DGKI: variants seen among roughly 807,000 people sequenced by gnomAD.
DGKI encodes the protein diacylglycerol kinase iota, also known as DAG kinase iota.
In DGKI, 55 loss-of-function variants were observed where a neutral mutation model predicts 147.5. The ratio of observed to expected loss-of-function variants is 0.37; its 90% CI spans 0.30 to 0.47. The LOEUF is 0.47. DGKI is among the 20% of genes least tolerant of loss of function. The pLI, the probability that DGKI is intolerant of heterozygous loss-of-function variation, is 1.00. For synonymous variants in DGKI, 469 were observed against 477.1 expected, an observed-to-expected ratio of 0.98 and a Z score of 0.22; for missense variants, 1,007 against 1,323.8, an observed-to-expected ratio of 0.76 and a Z score of 3.71.
chr7:137,388,342 A>G lies in DGKI; in HGVS notation c.*2878T>C, dbSNP rs1811242019. On this transcript the variant is annotated 3_prime_UTR_variant, in exon 33 of 33. Coordinates refer to ENST00000614521, the MANE Select transcript of DGKI (RefSeq NM_001321708.2). Reference sequence around the variant, plus strand: ...GTCTTTTAATAACTCTTCATTTTCCATTCCTCTATCAACCACATCTAAAAA... The same window carrying G: ...GTCTTTTAATAACTCTTCATTTTCCGTTCCTCTATCAACCACATCTAAAAA... 6.6e-6 allele frequency: 1 copy of G among 152,156 alleles called. No individual in the cohort carries two copies. 9.4% of individuals were successfully genotyped at this position (152,156 alleles called of 1,614,324 possible). A position where few individuals can be genotyped will look rare whatever the true frequency, so the allele number is the denominator to read the frequency against.
intron 1 of DGKI, among the ~76,000 whole-genome samples, chr7:137,789,684 T>C (rs554233828): frequency 2.6e-5 from 4 of 152,270 alleles, no homozygotes; most frequent in African/African-American, 9.6e-5. Flanking sequence ...AGTCACAATT[T>C]CCAAACTTGC....
At position 137,441,065 on chromosome 7, in the gene DGKI, G is replaced by C. The variant is rs190704432; in HGVS notation, c.2761+3012C>G. ...CCGAGCAAACATCACAGATAAACTTGTGCTTCCTCTTCTACTGCCTGGATG... is the reference window on the plus strand; with the variant it reads ...CCGAGCAAACATCACAGATAAACTTCTGCTTCCTCTTCTACTGCCTGGATG... On this transcript the variant is annotated intron_variant, in intron 28 of 32. Transcript: ENST00000614521. Among the ~76,000 whole-genome samples the C allele has an allele frequency of 2.0e-3, 299 of 152,248 alleles. 1 individual carries two copies. The highest frequency in any genetic ancestry group is 6.8e-3 in the African/African-American group (283 of 41,558).
chr7:137,555,399 G>A (rs1184105242), intron 19 of DGKI, among the ~76,000 whole-genome samples: 1 of 151,916 alleles, frequency 6.6e-6, no homozygotes, highest in Non-Finnish European at 1.5e-5. Flanking sequence ...GGTGGTGCAT[G>A]CCTGTAGTCC....
chr7:137,699,347 T>C (rs1416245154), intron 1 of DGKI, among the ~76,000 whole-genome samples: 1 of 152,042 alleles, frequency 6.6e-6, no homozygotes, highest in Non-Finnish European at 1.5e-5. Flanking sequence ...ATGGGGTAAA[T>C]AAAGAGCATG....
intron 1 of DGKI, among the ~76,000 whole-genome samples, chr7:137,771,254 C>T (rs1796187065): frequency 1.3e-5 from 2 of 152,234 alleles, no homozygotes; most frequent in South Asian, 4.1e-4. Flanking sequence ...CCATGCCCAG[C>T]TAATTTTTGT....
At chr7:137,539,922 C>T (rs1233634350) in intron 20 of DGKI, among the ~76,000 whole-genome samples, 1 of 152,098 alleles carries the variant, frequency 6.6e-6, no homozygotes, top group African/African-American at 2.4e-5. Context: ...TACTGCAGAC[C>T]TCACAGACAT....
At chr7:137,455,295 T>C (rs1357958483) in intron 27 of DGKI, among the ~76,000 whole-genome samples, 4 of 151,858 alleles carry the variant, frequency 2.6e-5, no homozygotes, top group African/African-American at 9.7e-5. Flanking sequence ...GACAAGAGAG[T>C]TTCTCAGTTA....
At chr7:137,550,694 T>C (rs1013528818) in intron 20 of DGKI, among the ~76,000 whole-genome samples, 2 of 152,202 alleles carry the variant, frequency 1.3e-5, no homozygotes, top group African/African-American at 4.8e-5. Flanking sequence ...TAAAACTAAA[T>C]ACCTGAAAAC....
At chr7:137,549,717 G>C (rs889061045) in intron 20 of DGKI, among the ~76,000 whole-genome samples, 4 of 152,230 alleles carry the variant, frequency 2.6e-5, no homozygotes, top group African/African-American at 4.8e-5. Flanking sequence ...AACACTTATA[G>C]AACAGTCTTG....
chr7:137,721,905 T>C (rs1472293777), intron 1 of DGKI: 3 of 858,568 alleles, frequency 3.5e-6, no homozygotes, highest in Non-Finnish European at 5.2e-6. Context: ...CTAATTCCAA[T>C]CCTCCATCAA....
At chr7:137,839,431 T>C (rs1798485094) in intron 1 of DGKI, among the ~76,000 whole-genome samples, 1 of 152,252 alleles carries the variant, frequency 6.6e-6, no homozygotes, top group Non-Finnish European at 1.5e-5. Context: ...TAGACAAATC[T>C]GTTCCTTAAC....
chr7:137,415,235 T>C (rs1250023364), intron 28 of DGKI, among the ~76,000 whole-genome samples: 2 of 152,164 alleles, frequency 1.3e-5, no homozygotes, highest in African/African-American at 4.8e-5. Context: ...AATCTGCAGA[T>C]TCAACCAACC....
chr7:137,533,333 G>A (rs1243744537), intron 20 of DGKI, among the ~76,000 whole-genome samples: 1 of 151,490 alleles, frequency 6.6e-6, no homozygotes, highest in East Asian at 1.9e-4. Flanking sequence ...CTTGGATGAA[G>A]GAGAAACAAA....
At chr7:137,723,133 T>A (rs1343658530) in intron 1 of DGKI, among the ~76,000 whole-genome samples, 6 of 152,188 alleles carry the variant, frequency 3.9e-5, no homozygotes, top group Non-Finnish European at 8.8e-5. Context: ...TTAGGTATGA[T>A]GATGATGATG....
At chr7:137,824,082 G>C (rs552545726) in intron 1 of DGKI, among the ~76,000 whole-genome samples, 35 of 152,248 alleles carry the variant, frequency 2.3e-4, no homozygotes, top group African/African-American at 7.0e-4. Context: ...CCTCACCTCA[G>C]AAGGGACAGT....
At chr7:137,502,858 A>C (rs948799997) in intron 21 of DGKI, among the ~76,000 whole-genome samples, 1 of 152,056 alleles carries the variant, frequency 6.6e-6, no homozygotes, top group Non-Finnish European at 1.5e-5. Context: ...AGTTTTCAAC[A>C]CTGAGCTCAG....
chr7:137,691,635 T>C (rs184587915), intron 1 of DGKI, among the ~76,000 whole-genome samples: 2 of 152,264 alleles, frequency 1.3e-5, no homozygotes, highest in Admixed American at 1.3e-4. Context: ...CAGCGACCTC[T>C]GCAAACTCCC....
chr7:137,719,226 G>A (rs541460769), intron 1 of DGKI, among the ~76,000 whole-genome samples: 4 of 152,070 alleles, frequency 2.6e-5, no homozygotes, highest in African/African-American at 9.7e-5. Flanking sequence ...CAGCCACAAA[G>A]GGCAGTGAGG....
chr7:137,756,856 A>C (rs1233724851), intron 1 of DGKI, among the ~76,000 whole-genome samples: 2 of 152,220 alleles, frequency 1.3e-5, no homozygotes, highest in African/African-American at 4.8e-5. Context: ...GCCCTCTCCT[A>C]ACCACACAAG....
Sources: gnomAD v4.1 joint callset for allele counts (sites outside exome capture counted in the v4.1 genomes callset) on GRCh38, gnomAD v4.1.1 for gene constraint, MANE v1.5 for transcripts, NCBI Gene and HGNC (gene_info 2026-07-23, HGNC 2026-07-21) for gene names.